The following ABHD18 variants were observed in gnomAD, a reference collection of about 807,000 sequenced individuals.
ABHD18 encodes the protein cardiolipin-specific deacylase, mitochondrial.
ABHD18 carries 55 observed loss-of-function variants against 65.9 expected under a neutral mutation model. The observed-to-expected ratio is 0.84, with a 90% CI of 0.67 to 1.05. The LOEUF (loss-of-function observed/expected upper bound fraction) is 1.05, where lower values mean the gene tolerates loss of function less well. Ranked by LOEUF, ABHD18 falls within the 50% of genes least tolerant of loss-of-function variation. The probability of loss-of-function intolerance (pLI) is 0.00; values close to 1 mark genes in which losing one functional copy is unlikely to be tolerated. For missense variants in ABHD18, 533 were observed against 558.5 expected, an observed-to-expected ratio of 0.95 and a Z score of 0.46; for synonymous variants, 181 against 180.2, an observed-to-expected ratio of 1.00 and a Z score of -0.04.
At chr4:127,990,683 A>G (rs1409768955) in intron 4 of ABHD18, among the ~76,000 whole-genome samples, 1 of 152,154 alleles carries the variant, frequency 6.6e-6, no homozygotes, top group East Asian at 1.9e-4. Context: ...GACTAGACAG[A>G]CTACACAGTT....
intron 1 of ABHD18, among the ~76,000 whole-genome samples, chr4:127,982,260 C>T (rs1749188361): frequency 6.6e-6 from 1 of 152,018 alleles, no homozygotes; most frequent in African/African-American, 2.4e-5. Flanking sequence ...CAGGTTTCAC[C>T]CGCAAATCAA....
In ABHD18 at chr4:127,979,915, CAAAAA is replaced by C. The variant is rs59944314; in HGVS notation, c.-17-3008_-17-3004del. 1.0e-3 allele frequency among the ~76,000 whole-genome samples: 69 copies of C among 66,538 alleles called. No individual in the cohort carries two copies. In the Middle Eastern group the frequency reaches 0.02, roughly 20 times the overall value. The allele number at this position is 66,538 out of a possible 152,430, so 43.7% of individuals were successfully genotyped here. A position where few individuals can be genotyped will look rare whatever the true frequency, so the allele number is the denominator to read the frequency against. ...TGAGCGACAGAGTGAGACTCCATCT[CAAAAA>C]AAAAAAAAAAAAAAAGACAATGGGA... On this transcript the variant is annotated intron_variant, in intron 1 of 12. Coordinates refer to ENST00000645843, the MANE Select transcript of ABHD18 (RefSeq NM_001358451.3).
intron 4 of ABHD18, among the ~76,000 whole-genome samples, chr4:127,999,854 C>A (rs553724592): frequency 6.6e-6 from 1 of 152,060 alleles, no homozygotes; most frequent in East Asian, 1.9e-4. Context: ...CTTATAAATT[C>A]TTTGCCAAGT....
chr4:128,013,534 A>G (rs867412915), intron 7 of ABHD18, among the ~76,000 whole-genome samples: 8 of 152,022 alleles, frequency 5.3e-5, no homozygotes, highest in African/African-American at 1.9e-4. Context: ...CCCCATCTCT[A>G]CTAAAGATAC....
Position 128,038,825 on chromosome 4 carries a change from G to C in ABHD18, c.*3012G>C, listed in dbSNP as rs987804067. ...CTCAGGAGGCTGAGCCAGGAGAATCGCTTGAACCCGGGAGACGGAGGTTGC... is the reference window on the plus strand; with the variant it reads ...CTCAGGAGGCTGAGCCAGGAGAATCCCTTGAACCCGGGAGACGGAGGTTGC... On this transcript the variant is annotated 3_prime_UTR_variant, in exon 13 of 13. Transcript: ENST00000645843. The C allele has an allele frequency of 6.6e-6, 1 of 152,038 alleles. No homozygotes were observed. Among genetic ancestry groups the C allele is most frequent in the Non-Finnish European group, 1.5e-5 (1 of 68,034 alleles). The allele number at this position is 152,038 out of a possible 1,614,324, so 9.4% of individuals were successfully genotyped here.
Position 127,997,196 on chromosome 4 carries a change from G to A in ABHD18, c.278+7375G>A, listed in dbSNP as rs377445182. Among the ~76,000 whole-genome samples, 6 of 152,210 alleles carry A rather than the reference G, an allele frequency of 3.9e-5. No homozygotes were observed. In the East Asian group the frequency reaches 5.8e-4, roughly 15 times the overall value. On this transcript the variant is annotated intron_variant, in intron 4 of 12. Transcript: ENST00000645843. ...GTATTAATTTTGGGAACTGATAAAT[G>A]TCCATGAAATCTTCACAATTTATGT...
chr4:127,968,913 C>G (rs1048996690), intron 1 of ABHD18, among the ~76,000 whole-genome samples: 1 of 152,018 alleles, frequency 6.6e-6, no homozygotes, highest in African/African-American at 2.4e-5. Context: ...CCCAGCCAAC[C>G]CTGTCTAGAA....
At chr4:128,002,143 C>T (rs1446913502) in intron 4 of ABHD18, among the ~76,000 whole-genome samples, 2 of 151,512 alleles carry the variant, frequency 1.3e-5, no homozygotes, top group Non-Finnish European at 1.5e-5. Context: ...GGCGTGGTGG[C>T]AGGCACCTGT....
At chr4:127,985,052 C>T (rs1005936604) in intron 3 of ABHD18, among the ~76,000 whole-genome samples, 14 of 151,786 alleles carry the variant, frequency 9.2e-5, no homozygotes, top group Admixed American at 2.0e-4. Flanking sequence ...CATTACAGAA[C>T]AATAGTGAGT....
chr4:127,975,671 A>G (rs1747771289), intron 1 of ABHD18, among the ~76,000 whole-genome samples: 1 of 152,196 alleles, frequency 6.6e-6, no homozygotes, highest in Non-Finnish European at 1.5e-5. Flanking sequence ...AAAACAAATC[A>G]TGGCTGATTA....
At chr4:127,987,404 T>G (rs1750154263) in intron 3 of ABHD18, among the ~76,000 whole-genome samples, 1 of 151,720 alleles carries the variant, frequency 6.6e-6, no homozygotes, top group Non-Finnish European at 1.5e-5. Flanking sequence ...ATCAAATAAC[T>G]TATTCTTATA....
At chr4:127,969,784 G>A (rs1746367900) in intron 1 of ABHD18, among the ~76,000 whole-genome samples, 1 of 146,546 alleles carries the variant, frequency 6.8e-6, no homozygotes, top group Non-Finnish European at 1.5e-5. Flanking sequence ...ATTTTGCTCT[G>A]TTGCCGAGGC....
At chr4:127,982,826 A>T in intron 1 of ABHD18, 113 bp from the exon 2 acceptor site, 1 of 582,910 alleles carries the variant, frequency 1.7e-6, no homozygotes, top group Non-Finnish European at 2.9e-6. Flanking sequence ...CAAAGGAATT[A>T]ATTCGTCTCA....
At chr4:128,022,118 T>C (rs904065146) in intron 10 of ABHD18, among the ~76,000 whole-genome samples, 3 of 152,138 alleles carry the variant, frequency 2.0e-5, no homozygotes, top group Admixed American at 6.5e-5. Context: ...TTAGGAGATA[T>C]ACCTAATATA....
intron 10 of ABHD18, among the ~76,000 whole-genome samples, chr4:128,025,929 G>A (rs186963868): frequency 6.6e-6 from 1 of 152,234 alleles, no homozygotes; most frequent in East Asian, 1.9e-4. Flanking sequence ...AGGCCGAGGT[G>A]GGCAGATCAT....
chr4:127,989,824 A>G lies in ABHD18; in HGVS notation c.278+3A>G, dbSNP rs371902906. On this transcript the variant is annotated splice_donor_region_variant and intron_variant, in intron 4 of 12. Transcript: ENST00000645843. ...CCAATTGAATCTGTTATTGCAAGGTAAGAATTTTTTTGTTCAAAAAGATGA... is the reference window on the plus strand; with the variant it reads ...CCAATTGAATCTGTTATTGCAAGGTGAGAATTTTTTTGTTCAAAAAGATGA... 1.2e-5 allele frequency: 19 copies of G among 1,542,184 alleles called. No individual in the cohort carries two copies. The highest frequency in any genetic ancestry group is 1.7e-5 in the Non-Finnish European group (19 of 1,142,720).
intron 4 of ABHD18, among the ~76,000 whole-genome samples, chr4:127,997,027 G>A (rs1178788321): frequency 2.6e-5 from 4 of 152,142 alleles, no homozygotes; most frequent in African/African-American, 9.7e-5. Flanking sequence ...CTCAGCTTAC[G>A]AAGATAACGT....
chr4:128,006,248 G>C (rs1187201104), intron 4 of ABHD18, among the ~76,000 whole-genome samples: 1 of 152,162 alleles, frequency 6.6e-6, no homozygotes, highest in Non-Finnish European at 1.5e-5. Flanking sequence ...TACATGCATT[G>C]CTATGGAACA....
chr4:127,978,547 T>TA (rs1021162342), intron 1 of ABHD18, among the ~76,000 whole-genome samples: 3 of 152,178 alleles, frequency 2.0e-5, no homozygotes, highest in Admixed American at 1.3e-4. Flanking sequence ...ATAAATCTGA[T>TA]AAAGACTTAA....
Sources: gnomAD v4.1 joint callset for allele counts (sites outside exome capture counted in the v4.1 genomes callset) on GRCh38, gnomAD v4.1.1 for gene constraint, MANE v1.5 for transcripts, NCBI Gene and HGNC (gene_info 2026-07-23, HGNC 2026-07-21) for gene names.